Variants in MALL observed in about 807,000 individuals in gnomAD.
The protein encoded by MALL is MAL-like protein.
MALL carries 2 observed loss-of-function variants against 10.3 expected under a neutral mutation model. That is an observed-to-expected ratio of 0.19 (90% confidence interval 0.08 to 0.61). The LOEUF (loss-of-function observed/expected upper bound fraction) is 0.61, where lower values mean the gene tolerates loss of function less well. Among genes scored for constraint, MALL ranks in the 20% least tolerant of loss-of-function variants. The pLI, the probability that MALL is intolerant of heterozygous loss-of-function variation, is 0.88. For synonymous variants in MALL, 27 were observed against 51.8 expected, an observed-to-expected ratio of 0.52 and a Z score of 2.05; for missense variants, 39 against 115.2, an observed-to-expected ratio of 0.34 and a Z score of 3.03.
At chr2:110,104,070 A>AT (rs2104387911) in intron 1 of MALL, among the ~76,000 whole-genome samples, 1 of 151,282 alleles carries the variant, frequency 6.6e-6, no homozygotes, top group South Asian at 2.1e-4. Context: ...GCAGCTGGAG[A>AT]TGAGGGTCCC....
chr2:110,115,711 A>G lies in MALL; in HGVS notation c.82T>C (p.Phe28Leu), dbSNP rs769960666. 2 of 1,291,128 alleles carry G rather than the reference A, an allele frequency of 1.5e-6. No homozygotes were observed. Among genetic ancestry groups the G allele is most frequent in the East Asian group, 5.8e-5 (2 of 34,216 alleles). The allele number at this position is 1,291,128 out of a possible 1,614,324, so 80.0% of individuals were successfully genotyped here. A position where few individuals can be genotyped will look rare whatever the true frequency, so the allele number is the denominator to read the frequency against. The change falls in exon 1 of 4, where the codon TTC becomes CTC. Residue 28 changes from phenylalanine to leucine, a missense_variant. Transcript: ENST00000272462. ...ACCAGCTCGGGCAGGAAGAAGGCGA[A>G]AGGGATGGTGAGGAACAGCGCGACC... ...SGVALFLTIP[F>L]AFFLPELIFG... is the part of the protein sequence containing the mutation.
chr2:110,113,533 T>A (rs191066481), intron 1 of MALL, among the ~76,000 whole-genome samples: 1 of 150,962 alleles, frequency 6.6e-6, no homozygotes, highest in Admixed American at 6.6e-5. Flanking sequence ...ACTAAAGAAC[T>A]TACTAATGTA....
chr2:110,107,981 A>G (rs1439697416), intron 1 of MALL, among the ~76,000 whole-genome samples: 2 of 152,188 alleles, frequency 1.3e-5, no homozygotes, highest in Non-Finnish European at 2.9e-5. Flanking sequence ...CATCCATAGG[A>G]AAAGGGGAAG....
chr2:110,108,006 G>A (rs1251203548), intron 1 of MALL, among the ~76,000 whole-genome samples: 1 of 152,112 alleles, frequency 6.6e-6, no homozygotes, highest in African/African-American at 2.4e-5. Context: ...CTACATCAGG[G>A]GAACACCCTG....
chr2:110,105,345 T>A (rs1678664932), intron 1 of MALL, among the ~76,000 whole-genome samples: 1 of 152,200 alleles, frequency 6.6e-6, no homozygotes, highest in African/African-American at 2.4e-5. Context: ...CTGGGAGGTC[T>A]TGCTCTTCCC....
At chr2:110,117,616 TGTGTGTGTGA>T (rs1324498985), upstream of MALL, among the ~76,000 whole-genome samples, 40 of 134,620 alleles carry the variant, frequency 3.0e-4, no homozygotes, top group Admixed American at 6.8e-4. Flanking sequence ...TGTGTGTGTG[TGTGTGTGTGA>T]GAGAGAGAGA....
intron 1 of MALL, among the ~76,000 whole-genome samples, chr2:110,108,511 A>G (rs1453984268): frequency 6.6e-6 from 1 of 152,010 alleles, no homozygotes; most frequent in Non-Finnish European, 1.5e-5. Flanking sequence ...AAAAGAAAAT[A>G]TGAGCAAAGC....
At chr2:110,114,164 C>G (rs1678861462) in intron 1 of MALL, among the ~76,000 whole-genome samples, 1 of 152,060 alleles carries the variant, frequency 6.6e-6, no homozygotes, top group Admixed American at 6.6e-5. Flanking sequence ...CCCCTGGCCT[C>G]TAGGCCTTTC....
upstream of MALL, chr2:110,115,833 C>A: frequency 1.1e-5 from 11 of 975,012 alleles, no homozygotes; most frequent in Non-Finnish European, 1.5e-5. Flanking sequence ...AGCTCGCCCG[C>A]GCGCAGCCTG....
At chr2:110,101,501 T>C (rs1239117113) in intron 1 of MALL, among the ~76,000 whole-genome samples, 1 of 152,180 alleles carries the variant, frequency 6.6e-6, no homozygotes, top group Non-Finnish European at 1.5e-5. Flanking sequence ...CATCCAGCAC[T>C]GGTGGGAACT....
At chr2:110,113,173 C>T (rs957499678) in intron 1 of MALL, among the ~76,000 whole-genome samples, 17 of 151,436 alleles carry the variant, frequency 1.1e-4, no homozygotes, top group African/African-American at 4.1e-4. Flanking sequence ...CACGGTGGCT[C>T]ACGCCTGTAA....
At chr2:110,117,618 TGTGTGTGAGAGA>T (rs767564453), upstream of MALL, among the ~76,000 whole-genome samples, 13 of 134,604 alleles carry the variant, frequency 9.7e-5, no homozygotes, top group South Asian at 2.4e-4. Flanking sequence ...TGTGTGTGTG[TGTGTGTGAGAGA>T]GAGAGAGAGA....
chr2:110,115,535 T>TCC (rs3217463), intron 1 of MALL, among the ~76,000 whole-genome samples, 153 bp downstream of exon 1: 782 of 79,714 alleles, frequency 9.8e-3, no homozygotes, highest in East Asian at 0.028. Context: ...GAGGCCGGTC[T>TCC]CCCCCCCCCT....
At chr2:110,117,593 G>T (rs966815973), upstream of MALL, among the ~76,000 whole-genome samples, 5 of 121,326 alleles carry the variant, frequency 4.1e-5, no homozygotes, top group Non-Finnish European at 8.8e-5. Context: ...AGCAATGTGT[G>T]TGTGTGTGTG....
intron 1 of MALL, among the ~76,000 whole-genome samples, chr2:110,095,296 T>A (rs982199330): frequency 2.6e-5 from 4 of 152,204 alleles, no homozygotes; most frequent in Non-Finnish European, 4.4e-5. Flanking sequence ...GCGGGAGATA[T>A]TTTTCAACGG....
intron 1 of MALL, among the ~76,000 whole-genome samples, chr2:110,102,403 T>C (rs1426798474): frequency 6.6e-6 from 1 of 152,100 alleles, no homozygotes; most frequent in Non-Finnish European, 1.5e-5. Flanking sequence ...CTGTTGAAAC[T>C]CTGAGCTCCT....
At chr2:110,099,767 T>G (rs1222857579) in intron 1 of MALL, among the ~76,000 whole-genome samples, 2 of 152,086 alleles carry the variant, frequency 1.3e-5, no homozygotes, top group African/African-American at 4.8e-5. Context: ...AATGGTCCCT[T>G]TCTTGCTCTG....
chr2:110,104,380 G>A (rs568437056), intron 1 of MALL, among the ~76,000 whole-genome samples: 6 of 152,216 alleles, frequency 3.9e-5, no homozygotes, highest in South Asian at 2.1e-4. Context: ...CAGGCACAGC[G>A]CCTTTACAGA....
At chr2:110,102,608 T>A in intron 1 of MALL, among the ~76,000 whole-genome samples, 1 of 152,214 alleles carries the variant, frequency 6.6e-6, no homozygotes, top group East Asian at 1.9e-4. Context: ...GCCTGCCGCC[T>A]TCTGGGCCTT....
Sources: allele counts gnomAD v4.1 joint callset (sites outside exome capture counted in the v4.1 genomes callset), GRCh38; gene constraint gnomAD v4.1.1; transcripts MANE v1.5; gene names NCBI Gene and HGNC (gene_info 2026-07-23, HGNC 2026-07-21).